The following NRCAM variants were observed in gnomAD, a reference collection of about 807,000 sequenced individuals.
NRCAM encodes the protein neuronal cell adhesion molecule.
In NRCAM, 83 loss-of-function variants were observed where a neutral mutation model predicts 156.5. That is an observed-to-expected ratio of 0.53 (90% CI 0.44 to 0.64). The LOEUF is 0.64. NRCAM is among the 30% of genes least tolerant of loss of function. NRCAM has a pLI of 0.00. For missense variants in NRCAM, 1,417 were observed against 1,597.3 expected (o/e 0.89, Z 1.92); for synonymous variants, 538 against 563.9 (o/e 0.95, Z 0.65).
chr7:108,187,746 T>C (rs911563256), intron 20 of NRCAM, among the ~76,000 whole-genome samples: 3 of 151,598 alleles, frequency 2.0e-5, no homozygotes, highest in Admixed American at 6.6e-5. Context: ...GGTCGGGAGA[T>C]TGAGACCATT....
chr7:108,177,948 T>TAAAA, intron 26 of NRCAM, 42 bp downstream of exon 26: 2 of 1,548,568 alleles, frequency 1.3e-6, no homozygotes, highest in African/African-American at 1.4e-5. Context: ...ATAAATAAAA[T>TAAAA]AAAAAAACAT....
At chr7:108,395,884 G>A (rs553560103) in intron 2 of NRCAM, among the ~76,000 whole-genome samples, 1 of 152,302 alleles carries the variant, frequency 6.6e-6, no homozygotes, top group African/African-American at 2.4e-5. Context: ...TAACAGTGGT[G>A]AAAGCTGACC....
intron 1 of NRCAM, among the ~76,000 whole-genome samples, chr7:108,432,587 G>A (rs1826682428): frequency 6.6e-6 from 1 of 152,174 alleles, no homozygotes; most frequent in Admixed American, 6.6e-5. Context: ...CTGCAATACA[G>A]ACATGGGGAA....
At chr7:108,385,290 G>A (rs895513229) in intron 2 of NRCAM, among the ~76,000 whole-genome samples, 1 of 152,182 alleles carries the variant, frequency 6.6e-6, no homozygotes, top group Non-Finnish European at 1.5e-5. Flanking sequence ...TCTAGGAGGC[G>A]ATCATAACAC....
At chr7:108,223,066 G>A (rs745588448) in intron 11 of NRCAM, among the ~76,000 whole-genome samples, 6 of 152,168 alleles carry the variant, frequency 3.9e-5, no homozygotes, top group Non-Finnish European at 8.8e-5. Flanking sequence ...CAGTGTGCTA[G>A]TTCTGAGGCT....
chr7:108,287,435 A>G (rs1318299751), intron 3 of NRCAM, among the ~76,000 whole-genome samples: 1 of 152,166 alleles, frequency 6.6e-6, no homozygotes, highest in Admixed American at 6.5e-5. Context: ...TGCATCCAAC[A>G]AAGGCAAAAC....
At chr7:108,351,282 C>T (rs1389612795) in intron 2 of NRCAM, among the ~76,000 whole-genome samples, 1 of 152,150 alleles carries the variant, frequency 6.6e-6, no homozygotes, top group East Asian at 1.9e-4. Context: ...CTTGGACTTC[C>T]TAGGCTCCAA....
intron 3 of NRCAM, among the ~76,000 whole-genome samples, chr7:108,278,106 G>C (rs2097710232): frequency 6.6e-6 from 1 of 152,194 alleles, no homozygotes; most frequent in Non-Finnish European, 1.5e-5. Context: ...CCTTCCTCTG[G>C]AAGCTTCATC....
At chr7:108,388,427 T>A (rs924846426) in intron 2 of NRCAM, among the ~76,000 whole-genome samples, 1 of 152,196 alleles carries the variant, frequency 6.6e-6, no homozygotes, top group Non-Finnish European at 1.5e-5. Context: ...TCTTGTAAAT[T>A]TGTTTAAGTT....
chr7:108,218,582 A>C (rs1429650898), intron 11 of NRCAM, among the ~76,000 whole-genome samples: 4 of 152,200 alleles, frequency 2.6e-5, no homozygotes, highest in African/African-American at 9.6e-5. Context: ...AAAAACACGG[A>C]AATTAAATAA....
chr7:108,413,729 A>G (rs983445147), intron 1 of NRCAM, among the ~76,000 whole-genome samples: 2 of 152,198 alleles, frequency 1.3e-5, no homozygotes, highest in African/African-American at 2.4e-5. Flanking sequence ...TATTTATCAA[A>G]CATTTATTAT....
chr7:108,299,141 A>AGAG (rs1359233529), intron 3 of NRCAM, among the ~76,000 whole-genome samples: 1 of 113,964 alleles, frequency 8.8e-6, no homozygotes, highest in African/African-American at 3.4e-5. Flanking sequence ...AAAGAAAGAA[A>AGAG]AGAAAAGTAA....
intron 1 of NRCAM, among the ~76,000 whole-genome samples, chr7:108,451,293 C>G (rs1249125163): frequency 2.0e-5 from 3 of 151,614 alleles, no homozygotes; most frequent in Non-Finnish European, 2.9e-5. Flanking sequence ...TGGCTATTAT[C>G]AAGAAAACAG....
At chr7:108,313,810 C>A (rs1156797967) in intron 2 of NRCAM, among the ~76,000 whole-genome samples, 1 of 151,892 alleles carries the variant, frequency 6.6e-6, no homozygotes, top group Non-Finnish European at 1.5e-5. Context: ...TTAAAAAAAA[C>A]CCTAGAGTTG....
In NRCAM at chr7:108,168,551, C is replaced by A. The variant is rs77741382; in HGVS notation, c.3188-149G>T. 17 of 662,864 alleles carry A rather than the reference C, an allele frequency of 2.6e-5. No homozygotes were observed. In the East Asian group the frequency reaches 5.7e-4, roughly 22 times the overall value. The allele number at this position is 662,864 out of a possible 1,614,324, so 41.1% of individuals were successfully genotyped here. A position where few individuals can be genotyped will look rare whatever the true frequency, so the allele number is the denominator to read the frequency against. The stretch of plus-strand genomic sequence containing the variant: ...TTAGGGTTCACTCATGCTTTGCTTT[C>A]ATTACAGAAAGGTTTTTGTTTCTTA... On this transcript the variant is annotated intron_variant, in intron 28 of 32. Transcript: ENST00000379028.
intron 6 of NRCAM, among the ~76,000 whole-genome samples, chr7:108,234,008 C>G (rs2094620360): frequency 6.6e-6 from 1 of 152,136 alleles, no homozygotes; most frequent in African/African-American, 2.4e-5. Flanking sequence ...TATGCAAGAT[C>G]CAAATGGCAT....
intron 11 of NRCAM, among the ~76,000 whole-genome samples, chr7:108,216,818 C>G (rs924168126): frequency 6.6e-6 from 1 of 152,044 alleles, no homozygotes; most frequent in South Asian, 2.1e-4. Flanking sequence ...TTCCTCTAAC[C>G]TTTTTTCAAG....
chr7:108,153,004 GAGT>G (rs946496936), intron 32 of NRCAM, among the ~76,000 whole-genome samples: 1 of 152,164 alleles, frequency 6.6e-6, no homozygotes, highest in African/African-American at 2.4e-5. Flanking sequence ...TGTTACTATG[GAGT>G]GGAGCATGTT....
intron 2 of NRCAM, among the ~76,000 whole-genome samples, chr7:108,320,390 C>A (rs964343164): frequency 2.6e-5 from 4 of 151,936 alleles, no homozygotes; most frequent in African/African-American, 9.7e-5. Flanking sequence ...TCTGGCAGGT[C>A]GAGGCAGCAG....
Sources: gnomAD v4.1 joint callset for allele counts (sites outside exome capture counted in the v4.1 genomes callset) on GRCh38, gnomAD v4.1.1 for gene constraint, MANE v1.5 for transcripts, NCBI Gene and HGNC (gene_info 2026-07-23, HGNC 2026-07-21) for gene names.